The following XCR1 variants were observed in gnomAD, a reference collection of about 807,000 sequenced individuals.
XCR1 encodes the protein chemokine XC receptor 1.
For missense variants in XCR1, 356 were observed against 424.2 expected (o/e 0.84, Z 1.41); for synonymous variants, 187 against 188.5 (o/e 0.99, Z 0.06).
rs760669514 is a variant in XCR1 at position 46,021,354 on chromosome 3, C to T, written c.594G>A (p.Leu198=). ...CCACGTAGCAGAACAGGATAATCCC[C>T]AGGGACAGCAGGAAGAAGAGGTTGT... ...YQHNLFFLLS[L]GIILFCYVEI... is the part of the protein sequence containing the mutation. The change falls in exon 2 of 2, where the codon CTG becomes CTA. Residue 198 remains leucine, a synonymous_variant. Coordinates refer to ENST00000309285, the MANE Select transcript of XCR1 (RefSeq NM_001024644.2). The surrounding 1 kb of genome is among the most constrained non-coding windows in gnomAD (Gnocchi z 4.7). 1.2e-6 allele frequency: 2 copies of T among 1,614,170 alleles called. No individual in the cohort carries two copies. Among genetic ancestry groups the T allele is most frequent in the South Asian group, 1.1e-5 (1 of 91,080 alleles).
At chr3:46,047,365 T>A (rs371153690) in intron 5 of XCR1, among the ~76,000 whole-genome samples, 1 of 152,166 alleles carries the variant, frequency 6.6e-6, no homozygotes, top group Admixed American at 6.5e-5. Flanking sequence ...CCTAAAATCA[T>A]CAAAGTAGAG....
At chr3:46,074,378 C>G (rs1330886385) in intron 3 of XCR1, among the ~76,000 whole-genome samples, 3 of 151,928 alleles carry the variant, frequency 2.0e-5, no homozygotes. Flanking sequence ...AAGTCAAATA[C>G]TGCACGTTCT....
At chr3:46,068,536 A>G (rs1232290434) in intron 3 of XCR1, among the ~76,000 whole-genome samples, 1 of 152,154 alleles carries the variant, frequency 6.6e-6, no homozygotes, top group African/African-American at 2.4e-5. Flanking sequence ...AGTGTTGTCA[A>G]CTTACAATAA....
intron 1 of XCR1, among the ~76,000 whole-genome samples, chr3:46,080,166 C>T (rs563632099): frequency 1.4e-5 from 2 of 139,044 alleles, no homozygotes; most frequent in Non-Finnish European, 3.0e-5. Context: ...GCCTGGGCAA[C>T]AGAACAAGTC....
Position 46,021,314 on chromosome 3 carries a change from G to A in XCR1, c.634C>T (p.Leu212=). The change falls in exon 2 of 2, where the codon CTG becomes TTG. Residue 212 remains leucine, a synonymous_variant. Transcript: ENST00000309285. This position sits in a 1 kb window ranked among gnomAD's most constrained non-coding sequence, Gnocchi z 4.7. ...LFCYVEILRT[L]FRSRSKRRHR... ...CGCCGCTTGGAGCGTGAGCGGAACA[G>A]GGTCCTGAGGATCTCCACGTAGCAG... 6.2e-7 allele frequency: 1 copy of A among 1,614,236 alleles called. No individual in the cohort carries two copies. Among genetic ancestry groups the A allele is most frequent in the Non-Finnish European group, 8.5e-7 (1 of 1,180,046 alleles).
chr3:46,058,885 G>A (rs1697907286), intron 4 of XCR1, among the ~76,000 whole-genome samples: 1 of 152,192 alleles, frequency 6.6e-6, no homozygotes, highest in Non-Finnish European at 1.5e-5. Flanking sequence ...TTCTGTTAGA[G>A]TGAAGGCATT....
chr3:46,046,589 C>T (rs537192131), intron 5 of XCR1, among the ~76,000 whole-genome samples: 279 of 152,300 alleles, frequency 1.8e-3, no homozygotes, highest in South Asian at 3.5e-3. Flanking sequence ...GCATATCCCC[C>T]TTTCTGTTTA....
At chr3:46,053,332 A>G (rs138051950) in intron 5 of XCR1, among the ~76,000 whole-genome samples, 2,787 of 140,190 alleles carry the variant, frequency 0.02, 580 homozygotes, top group African/African-American at 0.088. Context: ...TAGGAAAAGC[A>G]CGAGGTCCTA....
rs1035309233 is a variant in XCR1, at chr3:46,021,307, C to T, written c.641G>A (p.Arg214His). 1.2e-5 allele frequency: 19 copies of T among 1,613,930 alleles called. No homozygotes were observed. The African/African-American group carries it at 1.5e-4, about 12-fold the overall frequency. The change falls in exon 2 of 2, where the codon CGC becomes CAC. Residue 214 changes from arginine to histidine, a missense_variant. Arg to His is a conservative substitution (Grantham distance 29, BLOSUM62 0). Transcript: ENST00000309285. This position sits in a 1 kb window ranked among gnomAD's most constrained non-coding sequence, Gnocchi z 4.7. ...CYVEILRTLF[R>H]SRSKRRHRTV... ...GCGGTGGCGCCGCTTGGAGCGTGAG[C>T]GGAACAGGGTCCTGAGGATCTCCAC...
intron 4 of XCR1, among the ~76,000 whole-genome samples, chr3:46,065,051 A>T (rs142329657): frequency 0.024 from 3,585 of 152,166 alleles, 148 homozygotes; most frequent in African/African-American, 0.08. Context: ...AGATCCCGCC[A>T]TTGCACTCCA....
upstream of XCR1, among the ~76,000 whole-genome samples, chr3:46,032,130 C>T (rs951434748): frequency 9.9e-5 from 15 of 152,226 alleles, no homozygotes; most frequent in South Asian, 6.2e-4. Flanking sequence ...CAAATGGTGA[C>T]GCTAAAAGAA....
intron 5 of XCR1, among the ~76,000 whole-genome samples, chr3:46,035,546 A>T (rs1300418534): frequency 6.6e-6 from 1 of 152,204 alleles, no homozygotes; most frequent in African/African-American, 2.4e-5. Flanking sequence ...GAGTCTCAAA[A>T]GCCCTCCTAA....
intron 5 of XCR1, among the ~76,000 whole-genome samples, chr3:46,052,039 C>CAAAACA (rs1553633671): frequency 1.6e-3 from 161 of 98,182 alleles, no homozygotes; most frequent in African/African-American, 7.2e-3. Flanking sequence ...AAAACAAAAA[C>CAAAACA]AAAAAAAAAA....
At chr3:46,071,412 C>G (rs75590916) in intron 3 of XCR1, among the ~76,000 whole-genome samples, 7,961 of 152,068 alleles carry the variant, frequency 0.052, 288 homozygotes, top group African/African-American at 0.1. Flanking sequence ...TACCAATCTT[C>G]CTGATACTGT....
chr3:46,024,081 C>CTTGGATT lies in XCR1; in HGVS notation c.-31-2110_-31-2104dup, dbSNP rs955278551. On this transcript the variant is annotated intron_variant, in intron 1 of 1. Coordinates refer to ENST00000309285, the MANE Select transcript of XCR1 (RefSeq NM_001024644.2). ...ACATTCCAATCCCCAGTCTTCCTCC[C>CTTGGATT]TTGGATTTTACATCTCCAGAACTTC... The CTTGGATT allele has an allele frequency of 3.4e-5, 30 of 894,948 alleles. No homozygotes were observed. The African/African-American group carries it at 4.8e-4, about 14-fold the overall frequency. 55.4% of individuals were successfully genotyped at this position (894,948 alleles called of 1,614,324 possible). A position where few individuals can be genotyped will look rare whatever the true frequency, so the allele number is the denominator to read the frequency against.
intron 4 of XCR1, among the ~76,000 whole-genome samples, chr3:46,065,466 T>C (rs1698051369): frequency 6.6e-6 from 1 of 152,176 alleles, no homozygotes; most frequent in African/African-American, 2.4e-5. Flanking sequence ...TACAACAAGC[T>C]CCGGCAGCTG....
chr3:46,045,990 A>G (rs576820625), intron 5 of XCR1, among the ~76,000 whole-genome samples: 1 of 152,260 alleles, frequency 6.6e-6, no homozygotes, highest in Admixed American at 6.5e-5. Flanking sequence ...AGGTGATTGG[A>G]TAAAGAAAAT....
At chr3:46,083,321 C>T (rs1698411720) in intron 1 of XCR1, among the ~76,000 whole-genome samples, 1 of 152,158 alleles carries the variant, frequency 6.6e-6, no homozygotes, top group Non-Finnish European at 1.5e-5. Flanking sequence ...AGAAAATCAC[C>T]AGCCATGGTC....
At chr3:46,072,647 G>C (rs1472482791) in intron 3 of XCR1, among the ~76,000 whole-genome samples, 1 of 152,184 alleles carries the variant, frequency 6.6e-6, no homozygotes, top group Non-Finnish European at 1.5e-5. Flanking sequence ...AATATCTCAT[G>C]TTCATGGATC....
Sources: allele counts gnomAD v4.1 joint callset (sites outside exome capture counted in the v4.1 genomes callset), GRCh38; gene constraint gnomAD v4.1.1; non-coding constraint Gnocchi (gnomAD v3.1); transcripts MANE v1.5; gene names NCBI Gene and HGNC (gene_info 2026-07-23, HGNC 2026-07-21).